Variants in RAD17 observed in about 807,000 individuals in gnomAD.
RAD17 encodes the protein cell cycle checkpoint protein RAD17.
Under a neutral mutation model 81.5 loss-of-function variants are expected in RAD17, and 31 were observed. The ratio of observed to expected loss-of-function variants is 0.38; its 90% confidence interval spans 0.29 to 0.51. The LOEUF is 0.51. Ranked by LOEUF, RAD17 falls within the 20% of genes least tolerant of loss-of-function variation. The pLI, the probability that RAD17 is intolerant of heterozygous loss-of-function variation, is 0.88. For synonymous variants in RAD17, 261 were observed against 266.2 expected (o/e 0.98, Z 0.19); for missense variants, 681 against 781.2 (o/e 0.87, Z 1.53).
upstream of RAD17, chr5:69,369,814 G>A (rs1473453045): frequency 5.3e-6 from 6 of 1,123,178 alleles, no homozygotes; most frequent in Non-Finnish European, 7.7e-6. Flanking sequence ...GTCCCCGGGA[G>A]GCCGTACCTC....
At chr5:69,369,702 A>C (rs765805325), upstream of RAD17, 36 of 1,552,296 alleles carry the variant, frequency 2.3e-5, no homozygotes, top group Admixed American at 2.0e-5. Context: ...GAGGGTGGGC[A>C]TAACTCGGGT....
intron 4 of RAD17, among the ~76,000 whole-genome samples, chr5:69,373,628 T>G (rs137951506): frequency 1.1e-3 from 172 of 150,438 alleles, no homozygotes; most frequent in African/African-American, 4.0e-3. Flanking sequence ...TTGCTTGAGC[T>G]GAGATTATAC....
chr5:69,377,439 GTATATATATATATATATATATA>G (rs373632198), intron 6 of RAD17, among the ~76,000 whole-genome samples: 33 of 55,490 alleles, frequency 5.9e-4, no homozygotes, highest in African/African-American at 8.8e-4. Flanking sequence ...GTGTGTGTGT[GTATATATATATATATATATATA>G]TATATATATA....
intron 17 of RAD17, among the ~76,000 whole-genome samples, chr5:69,404,217 G>C (rs1765446061): frequency 6.6e-6 from 1 of 152,050 alleles, no homozygotes; most frequent in South Asian, 2.1e-4. Context: ...TAAAGATCCT[G>C]ATTATAGGCA....
At chr5:69,372,755 G>T (rs770429957) in intron 4 of RAD17, among the ~76,000 whole-genome samples, 1 of 152,058 alleles carries the variant, frequency 6.6e-6, no homozygotes, top group Non-Finnish European at 1.5e-5. Flanking sequence ...GGGAATACAG[G>T]CGTGCGCCAC....
intron 16 of RAD17, 34 bp downstream of exon 16, chr5:69,396,580 T>C: frequency 4.8e-6 from 7 of 1,461,600 alleles, no homozygotes; most frequent in South Asian, 1.4e-5. Flanking sequence ...GTACTTTCAA[T>C]ATGTGAACTT....
intron 7 of RAD17, 136 bp from the exon 8 acceptor site, chr5:69,384,661 T>TA: frequency 1.2e-6 from 1 of 816,206 alleles, no homozygotes; most frequent in Non-Finnish European, 1.8e-6. Flanking sequence ...ATTTTAAATT[T>TA]AAATGATTTT....
chr5:69,409,243 A>G (rs1390466150), intron 17 of RAD17, among the ~76,000 whole-genome samples: 1 of 152,084 alleles, frequency 6.6e-6, no homozygotes. Context: ...CTATGTAACA[A>G]GCTGGGGTAA....
In RAD17 at chr5:69,397,397, C is replaced by T. The variant is rs1348179431; in HGVS notation, c.1572+851C>T. Among the ~76,000 whole-genome samples, 6 of 152,186 alleles carry T rather than the reference C, an allele frequency of 3.9e-5. No homozygotes were observed. The South Asian group carries it at 6.2e-4, about 16-fold the overall frequency. The stretch of plus-strand genomic sequence containing the variant: ...CCTTAAGTGATCTGCCCGCCTTGGC[C>T]TCTCAAAGTGCTGGGATTACAGGCA... On this transcript the variant is annotated intron_variant, in intron 16 of 18. Transcript: ENST00000354868.
intron 17 of RAD17, among the ~76,000 whole-genome samples, chr5:69,407,568 T>G (rs979813019): frequency 2.5e-5 from 3 of 120,168 alleles, no homozygotes; most frequent in East Asian, 2.5e-4. Flanking sequence ...CCAAGTTTTT[T>G]TTTTTTTTTT....
chr5:69,369,336 C>A (rs1662221508), upstream of RAD17: 2 of 1,052,166 alleles, frequency 1.9e-6, no homozygotes, highest in Non-Finnish European at 2.6e-6. Context: ...CGCTGACAAC[C>A]GCCTCGTGGC....
At chr5:69,374,501 T>A (rs1012203716) in intron 5 of RAD17, 127 bp from the exon 6 acceptor site, 8 of 571,370 alleles carry the variant, frequency 1.4e-5, no homozygotes, top group Middle Eastern at 4.3e-4. Flanking sequence ...AAAGGATCAT[T>A]TTATTATATA....
chr5:69,400,906 G>C lies in RAD17; in HGVS notation c.1693+737G>C, dbSNP rs564115448. On this transcript the variant is annotated intron_variant, in intron 17 of 18. Coordinates refer to ENST00000354868, the MANE Select transcript of RAD17 (RefSeq NM_133338.3). ...CCAAGATCGCACACCTGCACTCCAG[G>C]CTGGGTGACAAAGTGAGGTCTGTCT... Among the ~76,000 whole-genome samples, 347 of 150,372 alleles carry C rather than the reference G, an allele frequency of 2.3e-3. 1 individual carries two copies. The highest frequency in any genetic ancestry group is 4.1e-3 in the Non-Finnish European group (276 of 67,762).
rs1764672012 is a variant in RAD17, at chr5:69,393,497, G to A, written c.1419G>A (p.Trp473Ter). Residue 473 changes from tryptophan (W) to a stop codon, truncating the protein, a stop_gained, in exon 15 of 19, where the codon TGG (tryptophan) becomes TGA (stop). Transcript: ENST00000354868. LOFTEE classifies it high-confidence loss of function. ...LSFADILSGD[W>*]NTRSLLREYS... ...TTGCAGATATCCTCAGTGGTGACTG[G>A]AATGTAAGACCATTTGACTTAAAAT... The A allele has an allele frequency of 6.3e-7, 1 of 1,598,740 alleles. No individual in the cohort carries two copies. The highest frequency in any genetic ancestry group is 1.4e-5 in the African/African-American group (1 of 73,904).
rs1455648410 is a variant in RAD17, at chr5:69,372,083, A to G, written c.-126A>G. The G allele has an allele frequency of 7.1e-7, 1 of 1,410,598 alleles. No homozygotes were observed. Among genetic ancestry groups the G allele is most frequent in the Non-Finnish European group, 9.5e-7 (1 of 1,050,736 alleles). 87.4% of individuals were successfully genotyped at this position (1,410,598 alleles called of 1,614,324 possible). A position where few individuals can be genotyped will look rare whatever the true frequency, so the allele number is the denominator to read the frequency against. On this transcript the variant is annotated 5_prime_UTR_variant, in exon 4 of 19. Coordinates refer to ENST00000354868, the MANE Select transcript of RAD17 (RefSeq NM_133338.3). ...AGAAATGAAACTATAAAATGTATAAATAATTTGCAAATCAGAATTGCTGTC... is the reference window on the plus strand; with the variant it reads ...AGAAATGAAACTATAAAATGTATAAGTAATTTGCAAATCAGAATTGCTGTC...
chr5:69,373,713 TTTTA>T (rs370382880), intron 4 of RAD17, 113 bp from the exon 5 acceptor site: 4,547 of 227,578 alleles, frequency 0.02, 137 homozygotes, highest in South Asian at 0.037. Context: ...TTTTTTTTTT[TTTTA>T]AGTTTTAAAG....
Position 69,386,224 on chromosome 5 carries a change from C to T in RAD17, c.743C>T (p.Ser248Leu), listed in dbSNP as rs556421329. The T allele has an allele frequency of 6.8e-6, 11 of 1,608,064 alleles. No homozygotes were observed. Among genetic ancestry groups the T allele is most frequent in the South Asian group, 1.1e-5 (1 of 89,924 alleles). The change falls in exon 10 of 19, where the codon TCG becomes TTG. Residue 248 changes from serine (S) to leucine (L), a missense_variant. Physicochemically the swap from Ser to Leu is moderately radical, Grantham distance 145 (BLOSUM62 -2). Coordinates refer to ENST00000354868, the MANE Select transcript of RAD17 (RefSeq NM_133338.3). ...CGATGTCCTCTTATATTTATAATCT[C>T]GGACAGTCTCAGTGGAGATAATAAT... Reference protein sequence around the residue: ...IGRCPLIFIISDSLSGDNNQR... With the variant: ...IGRCPLIFIILDSLSGDNNQR...
chr5:69,400,232 T>TTTATTTC, intron 17 of RAD17, 63 bp downstream of exon 17: 1 of 193,472 alleles, frequency 5.2e-6, no homozygotes, highest in Non-Finnish European at 7.6e-6. Context: ...TTATTTATTT[T>TTTATTTC]ATTTTTTTAG....
chr5:69,391,052 C>T (rs1244798669), intron 12 of RAD17, among the ~76,000 whole-genome samples: 1 of 151,718 alleles, frequency 6.6e-6, no homozygotes. Context: ...GCCTGGCCAA[C>T]ATGGTGAAAC....
Sources: allele counts gnomAD v4.1 joint callset (sites outside exome capture counted in the v4.1 genomes callset), GRCh38; gene constraint gnomAD v4.1.1; transcripts MANE v1.5; gene names NCBI Gene and HGNC (gene_info 2026-07-23, HGNC 2026-07-21).